Variants in GABRB3 observed in about 807,000 individuals in gnomAD.
GABRB3 encodes gamma-aminobutyric acid receptor subunit beta-3.
GABRB3 carries 14 observed loss-of-function variants against 52.1 expected under a neutral mutation model. That is an observed-to-expected ratio of 0.27 (90% CI 0.18 to 0.42). The LOEUF (loss-of-function observed/expected upper bound fraction) is 0.42, where lower values mean the gene tolerates loss of function less well. Among genes scored for constraint, GABRB3 ranks in the 10% least tolerant of loss-of-function variants. GABRB3 has a pLI of 1.00. For synonymous variants in GABRB3, 260 were observed against 232.3 expected, an observed-to-expected ratio of 1.12 and a Z score of -1.08; for missense variants, 307 against 609.1, an observed-to-expected ratio of 0.50 and a Z score of 5.22.
intron 3 of GABRB3, among the ~76,000 whole-genome samples, chr15:26,683,236 G>A (rs1320044213): frequency 6.6e-6 from 1 of 152,102 alleles, no homozygotes; most frequent in South Asian, 2.1e-4. Flanking sequence ...TAAGAGAATT[G>A]ATAAAATTAA....
intron 3 of GABRB3, among the ~76,000 whole-genome samples, chr15:26,667,709 A>G (rs989743488): frequency 2.6e-5 from 4 of 152,202 alleles, no homozygotes; most frequent in Non-Finnish European, 5.9e-5. Context: ...CGGCAGTATC[A>G]GCGTCACCTG....
At chr15:26,585,102 G>A (rs933367794) in intron 4 of GABRB3, among the ~76,000 whole-genome samples, 1 of 152,200 alleles carries the variant, frequency 6.6e-6, no homozygotes, top group African/African-American at 2.4e-5. Flanking sequence ...TCGTAGTTGT[G>A]CCCCAGGCCA....
rs549141479 is a variant in GABRB3 at position 26,629,238 on chromosome 15, C to T, written c.241-7704G>A. 13 of 1,369,770 alleles carry T rather than the reference C, an allele frequency of 9.5e-6. No individual in the cohort carries two copies. The East Asian group carries it at 2.9e-4, about 30-fold the overall frequency. The allele number at this position is 1,369,770 out of a possible 1,614,324, so 84.9% of individuals were successfully genotyped here. A position where few individuals can be genotyped will look rare whatever the true frequency, so the allele number is the denominator to read the frequency against. ...GGGCGGGGCCTGGAAAGGAGGGCAG[C>T]GCGGAAGCTTGGCCCCGAGAGGGAG... is the stretch of plus-strand genomic sequence containing the variant. On this transcript the variant is annotated intron_variant, in intron 3 of 8. Transcript: ENST00000311550.
At chr15:26,665,080 AACATTTT>A (rs1451537744) in intron 3 of GABRB3, among the ~76,000 whole-genome samples, 1 of 152,184 alleles carries the variant, frequency 6.6e-6, no homozygotes, top group East Asian at 1.9e-4. Flanking sequence ...TTTTATATAT[AACATTTT>A]ATATTTTAGC....
intron 3 of GABRB3, among the ~76,000 whole-genome samples, chr15:26,661,368 CTTAA>C (rs368685140): frequency 5.9e-5 from 9 of 152,272 alleles, no homozygotes; most frequent in African/African-American, 2.2e-4. Context: ...TTTGCCTCCC[CTTAA>C]TTATTTGCAA....
chr15:26,773,004 G>A lies in GABRB3; in HGVS notation c.-42C>T, dbSNP rs1891199320. 3 of 1,319,950 alleles carry A rather than the reference G, an allele frequency of 2.3e-6. No individual in the cohort carries two copies. Among genetic ancestry groups the A allele is most frequent in the East Asian group, 7.5e-5 (2 of 26,830 alleles). The allele number at this position is 1,319,950 out of a possible 1,614,324, so 81.8% of individuals were successfully genotyped here. On this transcript the variant is annotated 5_prime_UTR_variant, in exon 1 of 9. Transcript: ENST00000311550. ...GGCACGGGGGAGGGGGCGCCCCGCC[G>A]CCGTCGCGACCCGCAGCCGGGGCTG...
chr15:26,763,833 A>G (rs1208101610), intron 3 of GABRB3, among the ~76,000 whole-genome samples: 1 of 152,138 alleles, frequency 6.6e-6, no homozygotes, highest in East Asian at 1.9e-4. Flanking sequence ...TGTAATCTTT[A>G]AAGTTAATAC....
chr15:26,606,929 A>G (rs756685312), intron 4 of GABRB3, among the ~76,000 whole-genome samples: 2 of 151,976 alleles, frequency 1.3e-5, no homozygotes, highest in Admixed American at 6.6e-5. Context: ...ACCTAGCTTA[A>G]TAGTCACACA....
chr15:26,724,606 G>A (rs1172326475), intron 3 of GABRB3, among the ~76,000 whole-genome samples: 1 of 152,158 alleles, frequency 6.6e-6, no homozygotes, highest in Non-Finnish European at 1.5e-5. Flanking sequence ...TGTACAGTGA[G>A]GGGTAATGCA....
chr15:26,628,840 A>G, intron 3 of GABRB3: 1 of 888,098 alleles, frequency 1.1e-6, no homozygotes, highest in Non-Finnish European at 1.7e-6. Context: ...AAAGGGGGCC[A>G]GCAGAGGCCT....
intron 3 of GABRB3, among the ~76,000 whole-genome samples, chr15:26,667,232 C>A (rs919605906): frequency 3.3e-5 from 5 of 152,210 alleles, no homozygotes; most frequent in Admixed American, 6.5e-5. Context: ...GCCAAAGTCT[C>A]CAATGCCAGA....
In GABRB3 at chr15:26,554,160, AGT is replaced by A. The variant is rs1491152075; in HGVS notation, c.1081-6028_1081-6027del. On this transcript the variant is annotated intron_variant, in intron 8 of 8. Coordinates refer to ENST00000311550, the MANE Select transcript of GABRB3 (RefSeq NM_000814.6). ...ATATATAAAGTATATATATATATAA[AGT>A]ATATATATATAAAGTATATATATAT... 9.3e-3 allele frequency among the ~76,000 whole-genome samples: 193 copies of A among 20,808 alleles called. 16 individuals carry two copies. The highest frequency in any genetic ancestry group is 0.032 in the African/African-American group (185 of 5,752). 13.7% of individuals were successfully genotyped at this position (20,808 alleles called of 152,430 possible).
intron 8 of GABRB3, among the ~76,000 whole-genome samples, chr15:26,549,187 G>A (rs566249934): frequency 1.3e-5 from 2 of 152,290 alleles, no homozygotes; most frequent in African/African-American, 2.4e-5. Context: ...ATTTATTGCC[G>A]TATTAATTTG....
intron 4 of GABRB3, among the ~76,000 whole-genome samples, chr15:26,591,262 C>T (rs1411778628): frequency 2.6e-5 from 4 of 152,182 alleles, no homozygotes; most frequent in Non-Finnish European, 5.9e-5. Flanking sequence ...ATACGATAGT[C>T]AACACAAGTA....
At chr15:26,584,776 T>C (rs139288328) in intron 4 of GABRB3, among the ~76,000 whole-genome samples, 1 of 152,304 alleles carries the variant, frequency 6.6e-6, no homozygotes, top group East Asian at 1.9e-4. Flanking sequence ...GTTATTATAT[T>C]TTACACTACA....
chr15:26,732,952 T>C (rs900355656), intron 3 of GABRB3, among the ~76,000 whole-genome samples: 5 of 151,778 alleles, frequency 3.3e-5, no homozygotes, highest in Non-Finnish European at 5.9e-5. Context: ...GAGCTATGAT[T>C]GTGCCACTGC....
chr15:26,762,883 T>C (rs1027910200), intron 3 of GABRB3, among the ~76,000 whole-genome samples: 1 of 152,206 alleles, frequency 6.6e-6, no homozygotes, highest in Non-Finnish European at 1.5e-5. Context: ...ACAGGGAATT[T>C]TGGTGCCCAG....
At position 26,554,106 on chromosome 15, in the gene GABRB3, G is replaced by GTGTATA. The variant is rs757744367; in HGVS notation, c.1081-5973_1081-5972insTATACA. Among the ~76,000 whole-genome samples, 4 of 65,382 alleles carry GTGTATA rather than the reference G, an allele frequency of 6.1e-5. No individual in the cohort carries two copies. The East Asian group carries it at 8.7e-4, about 14-fold the overall frequency. The allele number at this position is 65,382 out of a possible 152,430, so 42.9% of individuals were successfully genotyped here. ...AAGTGTATATATGTATAAAGTGTGT[G>GTGTATA]TATATATATAAAGTGTGTGTGTATA... On this transcript the variant is annotated intron_variant, in intron 8 of 8. Coordinates refer to ENST00000311550, the MANE Select transcript of GABRB3 (RefSeq NM_000814.6).
intron 6 of GABRB3, 129 bp from the exon 7 acceptor site, chr15:26,567,862 G>A: frequency 3.5e-6 from 3 of 862,122 alleles, no homozygotes; most frequent in South Asian, 2.9e-5. Flanking sequence ...CCACCACCAA[G>A]CAGTTTGCTT....
Sources: gnomAD v4.1 joint callset for allele counts (sites outside exome capture counted in the v4.1 genomes callset) on GRCh38, gnomAD v4.1.1 for gene constraint, MANE v1.5 for transcripts, NCBI Gene and HGNC (gene_info 2026-07-23, HGNC 2026-07-21) for gene names.